The following ISLR2 variants were observed in gnomAD, a reference collection of about 807,000 sequenced individuals.
The protein encoded by ISLR2 is immunoglobulin superfamily containing leucine-rich repeat protein 2.
Under a neutral mutation model 25.5 loss-of-function variants are expected in ISLR2, and 16 were observed. That is an observed-to-expected ratio of 0.63 (90% CI 0.43 to 0.95). The LOEUF (loss-of-function observed/expected upper bound fraction) is 0.95, where lower values mean the gene tolerates loss of function less well. Ranked by LOEUF, ISLR2 falls within the 40% of genes least tolerant of loss-of-function variation. ISLR2 has a pLI of 0.00. For missense variants in ISLR2, 883 were observed against 1,030.7 expected, an observed-to-expected ratio of 0.86 and a Z score of 1.96; for synonymous variants, 508 against 486.6, an observed-to-expected ratio of 1.04 and a Z score of -0.58.
chr15:74,133,617 T>G lies in ISLR2; in HGVS notation c.863T>G (p.Leu288Arg). 1.9e-6 allele frequency: 3 copies of G among 1,614,008 alleles called. No homozygotes were observed. Among genetic ancestry groups the G allele is most frequent in the South Asian group, 1.1e-5 (1 of 91,070 alleles). The change falls in exon 3 of 3, where the codon CTG (leucine) becomes CGG (arginine). Residue 288 changes from leucine (L) to arginine (R), a missense_variant. Leu to Arg is a moderately radical substitution (Grantham distance 102). This residue lies in a region of ISLR2 where 612 missense variants were observed against 642.8 expected (regional missense o/e 0.95). Transcript: ENST00000453268. Reference sequence around the variant, plus strand: ...ACCGTAGTCTTAGAGCCACCGGTTCTGAGCGGGGAGGACGACGGGGTTGGG... The same window carrying G: ...ACCGTAGTCTTAGAGCCACCGGTTCGGAGCGGGGAGGACGACGGGGTTGGG... ...GGTVVLEPPV[L>R]SGEDDGVGAE...
chr15:74,124,974 G>A (rs1369606470), upstream of ISLR2, among the ~76,000 whole-genome samples: 1 of 152,096 alleles, frequency 6.6e-6, no homozygotes, highest in Non-Finnish European at 1.5e-5. Context: ...TTTGTGAGAC[G>A]ATACACTTAA....
At chr15:74,139,762 C>T (rs569992453), downstream of ISLR2, among the ~76,000 whole-genome samples, 17 of 152,196 alleles carry the variant, frequency 1.1e-4, no homozygotes, top group African/African-American at 4.1e-4. Flanking sequence ...TTGAGCCTTT[C>T]CTGTATGCTT....
At chr15:74,120,985 C>A (rs1194952682) in intron 2 of ISLR2, among the ~76,000 whole-genome samples, 1 of 151,910 alleles carries the variant, frequency 6.6e-6, no homozygotes, top group South Asian at 2.1e-4. Flanking sequence ...TTTTTCTCTC[C>A]TCCCCTGCCC....
chr15:74,127,783 G>C (rs572752421), upstream of ISLR2: 1 of 152,410 alleles, frequency 6.6e-6, no homozygotes, highest in Non-Finnish European at 1.5e-5. Context: ...GATCCAACCG[G>C]TTTCAACCCT....
At chr15:74,128,126 A>T, upstream of ISLR2, 1 of 301,542 alleles carries the variant, frequency 3.3e-6, no homozygotes, top group South Asian at 2.8e-5. Flanking sequence ...CGTTATAAAC[A>T]TTAGACCCGC....
At position 74,135,168 on chromosome 15, in the gene ISLR2, A is replaced by C. The variant is rs1282642411; in HGVS notation, c.*176A>C. 4.2e-6 allele frequency: 3 copies of C among 716,074 alleles called. No individual in the cohort carries two copies. The highest frequency in any genetic ancestry group is 3.6e-5 in the African/African-American group (2 of 55,758). 44.4% of individuals were successfully genotyped at this position (716,074 alleles called of 1,614,324 possible). On this transcript the variant is annotated 3_prime_UTR_variant, in exon 3 of 3. Transcript: ENST00000453268. ...TATTAGGGAGTGGGCCGATTTCACC[A>C]GTCCCTGCTACCCACGGCTGCCATT...
upstream of ISLR2, among the ~76,000 whole-genome samples, chr15:74,125,195 CCTTA>C (rs1318848259): frequency 6.6e-6 from 1 of 152,116 alleles, no homozygotes; most frequent in African/African-American, 2.4e-5. Context: ...ATCCCGCCCC[CCTTA>C]CTTGTTTTTT....
At chr15:74,102,141 C>G (rs866801078) in intron 1 of ISLR2, among the ~76,000 whole-genome samples, 1,781 of 128,832 alleles carry the variant, frequency 0.014, 58 homozygotes, top group African/African-American at 0.052. Context: ...TCGCTTGAAC[C>G]CGGGAGGTGG....
chr15:74,106,923 C>T (rs1220729360), intron 2 of ISLR2, among the ~76,000 whole-genome samples: 1 of 152,118 alleles, frequency 6.6e-6, no homozygotes, highest in Non-Finnish European at 1.5e-5. Flanking sequence ...TCTCTCCGCC[C>T]CCTTCAGCTC....
intron 2 of ISLR2, among the ~76,000 whole-genome samples, chr15:74,105,703 G>T (rs1274179480): frequency 3.3e-5 from 5 of 151,634 alleles, no homozygotes; most frequent in Non-Finnish European, 7.4e-5. Context: ...TCCCTCTGTG[G>T]CAGCGAGCCA....
intron 2 of ISLR2, among the ~76,000 whole-genome samples, chr15:74,104,210 T>C (rs2072102646): frequency 6.6e-6 from 1 of 152,206 alleles, no homozygotes; most frequent in Non-Finnish European, 1.5e-5. Context: ...CTGGGGATAT[T>C]TGACAATATC....
At chr15:74,125,272 C>G (rs915714521), upstream of ISLR2, among the ~76,000 whole-genome samples, 1 of 152,162 alleles carries the variant, frequency 6.6e-6, no homozygotes, top group Non-Finnish European at 1.5e-5. Flanking sequence ...GAGTCTCACT[C>G]TGTTGCCCAG....
chr15:74,138,848 AC>A (rs1177193158), downstream of ISLR2, among the ~76,000 whole-genome samples: 2 of 152,256 alleles, frequency 1.3e-5, no homozygotes, highest in African/African-American at 4.8e-5. Context: ...ACCGCTGAGC[AC>A]GGGGCAAGGA....
At chr15:74,140,694 A>G (rs776154975), downstream of ISLR2, among the ~76,000 whole-genome samples, 24 of 152,218 alleles carry the variant, frequency 1.6e-4, no homozygotes, top group Non-Finnish European at 2.6e-4. Flanking sequence ...CCTTTACCTT[A>G]TACATTTCCA....
chr15:74,109,686 T>G (rs979153406), intron 2 of ISLR2, among the ~76,000 whole-genome samples: 2 of 152,224 alleles, frequency 1.3e-5, no homozygotes, highest in Admixed American at 1.3e-4. Context: ...TCAGGAGGTC[T>G]GGGGTGGCGC....
chr15:74,102,167 G>A (rs1338252364), intron 1 of ISLR2, among the ~76,000 whole-genome samples: 1 of 105,638 alleles, frequency 9.5e-6, no homozygotes, highest in African/African-American at 3.7e-5. Flanking sequence ...GCAGTGAGCC[G>A]AGATTGCACC....
chr15:74,124,191 A>G (rs1208510928), upstream of ISLR2, among the ~76,000 whole-genome samples: 1 of 150,504 alleles, frequency 6.6e-6, no homozygotes, highest in Non-Finnish European at 1.5e-5. Context: ...TTCTCATTTC[A>G]ATTCATTTTG....
chr15:74,113,890 C>T (rs2072190208), intron 2 of ISLR2, among the ~76,000 whole-genome samples: 1 of 152,240 alleles, frequency 6.6e-6, no homozygotes, highest in South Asian at 2.1e-4. Context: ...CTGTTCTGTG[C>T]TGGGCCTTGC....
At chr15:74,106,847 T>C (rs1298084616) in intron 2 of ISLR2, among the ~76,000 whole-genome samples, 1 of 152,120 alleles carries the variant, frequency 6.6e-6, no homozygotes, top group Non-Finnish European at 1.5e-5. Context: ...GCTGCAGATT[T>C]CTGGGGGGAC....
Sources: allele counts gnomAD v4.1 joint callset (sites outside exome capture counted in the v4.1 genomes callset), GRCh38; gene constraint gnomAD v4.1.1; regional missense constraint gnomAD v4.1.1; transcripts MANE v1.5; gene names NCBI Gene and HGNC (gene_info 2026-07-23, HGNC 2026-07-21).